POLR1B: variants seen among roughly 807,000 people sequenced by gnomAD.
The protein encoded by POLR1B is DNA-directed RNA polymerase I subunit RPA2.
A neutral mutation model predicts 105.8 loss-of-function variants in POLR1B; 30 were observed. The observed-to-expected ratio is 0.28, with a 90% CI of 0.21 to 0.38. The LOEUF (loss-of-function observed/expected upper bound fraction) is 0.38, where lower values mean the gene tolerates loss of function less well. POLR1B is among the 10% of genes least tolerant of loss of function. POLR1B has a pLI of 1.00. For synonymous variants in POLR1B, 485 were observed against 505.1 expected, an observed-to-expected ratio of 0.96 and a Z score of 0.53; for missense variants, 976 against 1,435.8, an observed-to-expected ratio of 0.68 and a Z score of 5.17.
At chr2:112,555,307 C>G (rs1291800830) in intron 7 of POLR1B, among the ~76,000 whole-genome samples, 1 of 151,972 alleles carries the variant, frequency 6.6e-6, no homozygotes, top group Non-Finnish European at 1.5e-5. Flanking sequence ...CCACTGCACT[C>G]TAGCCTGGGC....
chr2:112,566,541 G>T (rs183156221), intron 10 of POLR1B, among the ~76,000 whole-genome samples: 75 of 152,218 alleles, frequency 4.9e-4, no homozygotes, highest in African/African-American at 1.8e-3. Flanking sequence ...TTATGTTAGC[G>T]TAGATTTATA....
chr2:112,554,951 T>C (rs1574104378), intron 7 of POLR1B, among the ~76,000 whole-genome samples: 1 of 152,132 alleles, frequency 6.6e-6, no homozygotes, highest in East Asian at 1.9e-4. Context: ...GATGCCAAGG[T>C]GGGTGGATCT....
At chr2:112,550,024 C>T (rs1683281729) in intron 4 of POLR1B, among the ~76,000 whole-genome samples, 1 of 152,128 alleles carries the variant, frequency 6.6e-6, no homozygotes, top group Admixed American at 6.5e-5. Flanking sequence ...ACTGAAAGAG[C>T]ATGTGTATTT....
chr2:112,564,168 T>G (rs1684158180), intron 9 of POLR1B, 198 bp from the exon 10 acceptor site: 1 of 538,040 alleles, frequency 1.9e-6, no homozygotes, highest in Non-Finnish European at 3.2e-6. Context: ...GGAACACTTG[T>G]CGTTGGAAAA....
chr2:112,562,725 T>TCTC (rs1684056797), intron 9 of POLR1B, among the ~76,000 whole-genome samples: 1 of 136,240 alleles, frequency 7.3e-6, no homozygotes, highest in Non-Finnish European at 1.5e-5. Flanking sequence ...ATTTCTTTTT[T>TCTC]TTCTTTTTTT....
chr2:112,547,662 A>G (rs1190080501), intron 3 of POLR1B, 95 bp downstream of exon 3: 1 of 1,373,348 alleles, frequency 7.3e-7, no homozygotes, highest in Admixed American at 2.2e-5. Context: ...CTGTGCTCCA[A>G]TTTCTGGATA....
chr2:112,552,617 A>G lies in POLR1B; in HGVS notation c.987-28A>G, dbSNP rs1403528328. ...GTAGTATTACCAACTGAATTGTTTT[A>G]AGCTTTTTTTTTTTTCTGTTTTCAC... On this transcript the variant is annotated intron_variant, in intron 6 of 14. Transcript: ENST00000263331. The G allele has an allele frequency of 2.7e-6, 4 of 1,460,982 alleles. No homozygotes were observed. In the East Asian group the frequency reaches 9.9e-5, roughly 36 times the overall value. The allele number at this position is 1,460,982 out of a possible 1,614,324, so 90.5% of individuals were successfully genotyped here. A position where few individuals can be genotyped will look rare whatever the true frequency, so the allele number is the denominator to read the frequency against.
intron 7 of POLR1B, among the ~76,000 whole-genome samples, chr2:112,553,979 A>G (rs777087656): frequency 6.6e-6 from 1 of 152,186 alleles, no homozygotes; most frequent in Non-Finnish European, 1.5e-5. Flanking sequence ...ATCCTCAAAA[A>G]GATGTAATCT....
intron 10 of POLR1B, among the ~76,000 whole-genome samples, chr2:112,566,118 T>TCACA (rs1684260528): frequency 6.6e-6 from 1 of 152,190 alleles, no homozygotes; most frequent in Non-Finnish European, 1.5e-5. Context: ...CCTCCCGAAG[T>TCACA]GCTGGGAATC....
chr2:112,577,494 A>G lies in POLR1B; in HGVS notation c.*1765A>G. 6.6e-6 allele frequency among the ~76,000 whole-genome samples: 1 copy of G among 152,082 alleles called. No homozygotes were observed. Among genetic ancestry groups the G allele is most frequent in the East Asian group, 1.9e-4 (1 of 5,188 alleles). On this transcript the variant is annotated 3_prime_UTR_variant, in exon 15 of 15. Transcript: ENST00000263331. ...AACCCAAGAGGTCGAGGCTGCAGTG[A>G]GCCAAGATTGTGCCACTGCACTCCA...
At position 112,550,933 on chromosome 2, in the gene POLR1B, T is replaced by C. The variant is rs936991687; in HGVS notation, c.693T>C (p.Asn231=). The stretch of plus-strand genomic sequence containing the variant: ...ATATGAACCTCCACTACTTGGAAAA[T>C]GGCACTGTTATGTTGAACTTTATTT... The part of the protein sequence containing the change: ...AVNMNLHYLE[N]GTVMLNFIYR... The change falls in exon 5 of 15, where the codon AAT becomes AAC. Residue 231 remains asparagine, a synonymous_variant. Transcript: ENST00000263331. 6.2e-7 allele frequency: 1 copy of C among 1,613,532 alleles called. No homozygotes were observed. Among genetic ancestry groups the C allele is most frequent in the African/African-American group, 1.3e-5 (1 of 74,908 alleles).
At position 112,574,827 on chromosome 2, in the gene POLR1B, T is replaced by C. The variant is rs1277126855; in HGVS notation, c.2526-20T>C. The C allele has an allele frequency of 3.2e-6, 5 of 1,587,150 alleles. No individual in the cohort carries two copies. The highest frequency in any genetic ancestry group is 1.1e-5 in the South Asian group (1 of 88,316). On this transcript the variant is annotated intron_variant, in intron 14 of 14. Coordinates refer to ENST00000263331, the MANE Select transcript of POLR1B (RefSeq NM_019014.6). ...AGTTAAAACAAATAGGTTGACCTTATATGGTTTACTTTTTCCTAGGAGTAA... is the reference window on the plus strand; with the variant it reads ...AGTTAAAACAAATAGGTTGACCTTACATGGTTTACTTTTTCCTAGGAGTAA...
rs370931898 is a variant in POLR1B at position 112,559,269 on chromosome 2, T to C, written c.1331-24T>C. On this transcript the variant is annotated intron_variant, in intron 8 of 14. Coordinates refer to ENST00000263331, the MANE Select transcript of POLR1B (RefSeq NM_019014.6). ...CATTTTTCAAAAGATTGGCCCATTT[T>C]TGAATGACTTTTGTTTTATTAAGGT... 37 of 1,607,742 alleles carry C rather than the reference T, an allele frequency of 2.3e-5. No homozygotes were observed. The African/African-American group carries it at 4.9e-4, about 21-fold the overall frequency.
rs1307816635 is a variant in POLR1B at position 112,574,936 on chromosome 2, G to C, written c.2615G>C (p.Arg872Thr). The change falls in exon 15 of 15, where the codon AGA becomes ACA. Residue 872 changes from arginine (R) to threonine (T), a missense_variant. By Grantham distance (71) the Arg-to-Thr change is moderately conservative. This residue lies in a region of POLR1B where 119 missense variants were observed against 149.7 expected (regional missense o/e 0.79). Coordinates refer to ENST00000263331, the MANE Select transcript of POLR1B (RefSeq NM_019014.6). ...TTCAAGTGTGTTTGCATCACTATGAGAGTGCCTCGGAACCCAACTATCGGA... is the reference window on the plus strand; with the variant it reads ...TTCAAGTGTGTTTGCATCACTATGACAGTGCCTCGGAACCCAACTATCGGA... Reference protein sequence around the residue: ...GKFKCVCITMRVPRNPTIGDK... With the variant: ...GKFKCVCITMTVPRNPTIGDK... 1 of 1,614,024 alleles carries C rather than the reference G, an allele frequency of 6.2e-7. No homozygotes were observed. The highest frequency in any genetic ancestry group is 1.7e-5 in the Admixed American group (1 of 59,998).
intron 10 of POLR1B, among the ~76,000 whole-genome samples, chr2:112,566,607 G>A (rs940249186): frequency 1.3e-5 from 2 of 152,138 alleles, no homozygotes; most frequent in Non-Finnish European, 2.9e-5. Flanking sequence ...TGCTCAGAAA[G>A]TGTATGAGAT....
chr2:112,574,683 C>T (rs1303721832), intron 14 of POLR1B, among the ~76,000 whole-genome samples, 164 bp from the exon 15 acceptor site: 2 of 148,800 alleles, frequency 1.3e-5, no homozygotes, highest in Non-Finnish European at 3.0e-5. Context: ...AATTGCACCA[C>T]CGCACTCCAG....
intron 7 of POLR1B, among the ~76,000 whole-genome samples, chr2:112,556,787 G>A (rs1237773747): frequency 2.6e-5 from 4 of 152,156 alleles, no homozygotes; most frequent in African/African-American, 7.2e-5. Flanking sequence ...CATAGAAAGC[G>A]CTGATGGTGT....
Position 112,550,951 on chromosome 2 carries a change from C to T in POLR1B, c.711C>T (p.Asn237=), listed in dbSNP as rs777332531. 6.2e-7 allele frequency: 1 copy of T among 1,613,618 alleles called. No individual in the cohort carries two copies. Among genetic ancestry groups the T allele is most frequent in the Non-Finnish European group, 8.5e-7 (1 of 1,179,520 alleles). ...TGGAAAATGGCACTGTTATGTTGAACTTTATTTACCGAAAAGAACTGTTCT... is the reference window on the plus strand; with the variant it reads ...TGGAAAATGGCACTGTTATGTTGAATTTTATTTACCGAAAAGAACTGTTCT... ...HYLENGTVML[N]FIYRKELFFL... is the part of the protein sequence containing the mutation. The change falls in exon 5 of 15, where the codon AAC becomes AAT. Residue 237 remains asparagine (N), a synonymous_variant. Coordinates refer to ENST00000263331, the MANE Select transcript of POLR1B (RefSeq NM_019014.6).
intron 7 of POLR1B, among the ~76,000 whole-genome samples, chr2:112,556,162 A>G (rs573086126): frequency 2.7e-4 from 41 of 152,376 alleles, no homozygotes; most frequent in African/African-American, 9.4e-4. Flanking sequence ...TGTAGGCTCA[A>G]GAAAGGAATC....
Sources: allele counts gnomAD v4.1 joint callset (sites outside exome capture counted in the v4.1 genomes callset), GRCh38; gene constraint gnomAD v4.1.1; regional missense constraint gnomAD v4.1.1; transcripts MANE v1.5; gene names NCBI Gene and HGNC (gene_info 2026-07-23, HGNC 2026-07-21).